Variants in SCFD2 observed in about 807,000 individuals in gnomAD.
The protein encoded by SCFD2 is sec1 family domain containing 2.
In SCFD2, 54 loss-of-function variants were observed where a neutral mutation model predicts 58.9. The ratio of observed to expected loss-of-function variants is 0.92; its 90% confidence interval spans 0.74 to 1.15. SCFD2 has a LOEUF of 1.15. Among genes scored for constraint, SCFD2 ranks in the 50% most tolerant of loss-of-function variants. The probability of loss-of-function intolerance (pLI) is 0.00; values close to 1 mark genes in which losing one functional copy is unlikely to be tolerated. For missense variants in SCFD2, 805 were observed against 836.6 expected (o/e 0.96, Z 0.47); for synonymous variants, 321 against 335.9 (o/e 0.96, Z 0.49).
chr4:53,298,564 A>C (rs575715948), intron 3 of SCFD2, among the ~76,000 whole-genome samples: 1 of 152,342 alleles, frequency 6.6e-6, no homozygotes, highest in South Asian at 2.1e-4. Flanking sequence ...CTGCAGACTT[A>C]CATGTCCCTG....
At chr4:53,061,177 G>T (rs1160321408) in intron 5 of SCFD2, among the ~76,000 whole-genome samples, 1 of 151,994 alleles carries the variant, frequency 6.6e-6, no homozygotes, top group Non-Finnish European at 1.5e-5. Flanking sequence ...GGTCTTTCTT[G>T]AGTTCTGAAC....
intron 5 of SCFD2, among the ~76,000 whole-genome samples, chr4:53,071,108 C>T (rs1183644840): frequency 1.3e-5 from 2 of 151,886 alleles, no homozygotes; most frequent in African/African-American, 2.4e-5. Flanking sequence ...ATTGTTGGCT[C>T]GAATGTAGAT....
chr4:52,949,518 G>C (rs972054773), intron 5 of SCFD2: 2 of 152,136 alleles, frequency 1.3e-5, no homozygotes, highest in Non-Finnish European at 2.9e-5. Context: ...TTAACCAACA[G>C]GTGTTCTCTC....
At chr4:53,327,707 G>A (rs1229465426) in intron 2 of SCFD2, among the ~76,000 whole-genome samples, 1 of 152,182 alleles carries the variant, frequency 6.6e-6, no homozygotes. Context: ...TCTACTGAGG[G>A]ATAAGAGGGT....
At chr4:53,017,925 T>C (rs556481798) in intron 5 of SCFD2, among the ~76,000 whole-genome samples, 4 of 152,318 alleles carry the variant, frequency 2.6e-5, no homozygotes, top group Admixed American at 6.5e-5. Context: ...TGTAGGTCTA[T>C]ACAAATGGCT....
chr4:53,239,408 GGGA>G (rs1204163264), intron 4 of SCFD2, among the ~76,000 whole-genome samples: 7 of 138,740 alleles, frequency 5.0e-5, no homozygotes, highest in African/African-American at 1.9e-4. Flanking sequence ...GAGAGGGAGA[GGGA>G]GAGGGAGAGG....
At chr4:52,887,230 G>A (rs1193309067) in intron 7 of SCFD2, among the ~76,000 whole-genome samples, 2 of 152,184 alleles carry the variant, frequency 1.3e-5, no homozygotes, top group Admixed American at 6.5e-5. Flanking sequence ...GGTGCTTACA[G>A]TACAGTACCG....
chr4:52,874,113 C>T (rs1385218512), intron 8 of SCFD2, 52 bp from the exon 9 acceptor site: 2 of 1,173,310 alleles, frequency 1.7e-6, no homozygotes, highest in Non-Finnish European at 2.6e-6. Flanking sequence ...GGGCCAATCT[C>T]AGGGTATTGG....
At chr4:53,329,121 G>C (rs1457514244) in intron 2 of SCFD2, among the ~76,000 whole-genome samples, 3 of 152,238 alleles carry the variant, frequency 2.0e-5, no homozygotes, top group African/African-American at 7.2e-5. Flanking sequence ...CTGATTGCTA[G>C]CACAGCAGTC....
chr4:52,953,226 T>TA (rs558950615), intron 5 of SCFD2, among the ~76,000 whole-genome samples: 22 of 152,210 alleles, frequency 1.4e-4, no homozygotes, highest in Admixed American at 1.4e-3. Flanking sequence ...TGAAACACTC[T>TA]AAAAGCAGCC....
At chr4:53,066,924 A>C (rs1723678885) in intron 5 of SCFD2, among the ~76,000 whole-genome samples, 1 of 152,078 alleles carries the variant, frequency 6.6e-6, no homozygotes, top group South Asian at 2.1e-4. Flanking sequence ...TGCAGGCCTC[A>C]TGAGGAAAAG....
rs532579541 is a variant in SCFD2 at position 53,301,228 on chromosome 4, G to A, written c.1135+12408C>T. The stretch of plus-strand genomic sequence containing the variant: ...CAAGACTAATAAAGAAGAAAAGAGA[G>A]AAGAATCAAATAGATGCAATAAAAA... On this transcript the variant is annotated intron_variant, in intron 3 of 8. Transcript: ENST00000401642. Among the ~76,000 whole-genome samples, 42 of 151,192 alleles carry A rather than the reference G, an allele frequency of 2.8e-4. No homozygotes were observed. The East Asian group carries it at 3.3e-3, about 12-fold the overall frequency.
At chr4:53,046,947 C>T (rs1038134512) in intron 5 of SCFD2, among the ~76,000 whole-genome samples, 2 of 152,200 alleles carry the variant, frequency 1.3e-5, no homozygotes, top group African/African-American at 2.4e-5. Flanking sequence ...GCTGGGATTA[C>T]AGGAGGGAGC....
intron 4 of SCFD2, among the ~76,000 whole-genome samples, chr4:53,160,246 C>CAGAACT (rs1221999086): frequency 1.3e-5 from 2 of 152,298 alleles, no homozygotes; most frequent in African/African-American, 4.8e-5. Context: ...GTTCTGAGCA[C>CAGAACT]AGAACTGGTA....
chr4:52,925,937 A>G (rs1320231699), intron 5 of SCFD2, among the ~76,000 whole-genome samples: 1 of 152,012 alleles, frequency 6.6e-6, no homozygotes, highest in Admixed American at 6.6e-5. Flanking sequence ...CAGATCAACA[A>G]AATAGGGCTC....
chr4:53,230,675 GACGAGTTAATGGGTACAGC>G (rs1729408385), intron 4 of SCFD2, among the ~76,000 whole-genome samples: 1 of 151,704 alleles, frequency 6.6e-6, no homozygotes, highest in South Asian at 2.1e-4. Context: ...AATGCTAAAT[GACGAGTTAATGGGTACAGC>G]ACACTAACAT....
At chr4:53,230,098 C>A (rs527909483) in intron 4 of SCFD2, among the ~76,000 whole-genome samples, 1 of 152,068 alleles carries the variant, frequency 6.6e-6, no homozygotes, top group Non-Finnish European at 1.5e-5. Flanking sequence ...GTTAGAATGG[C>A]GATCATTAAA....
chr4:53,011,000 A>G (rs1359981655), intron 5 of SCFD2, among the ~76,000 whole-genome samples: 1 of 152,222 alleles, frequency 6.6e-6, no homozygotes, highest in East Asian at 1.9e-4. Flanking sequence ...ATTTGTTTCT[A>G]TAGCGTACCT....
At chr4:53,303,869 G>T (rs537706869) in intron 3 of SCFD2, among the ~76,000 whole-genome samples, 5 of 147,118 alleles carry the variant, frequency 3.4e-5, no homozygotes, top group Non-Finnish European at 5.9e-5. Context: ...ACCAAACACC[G>T]CATGTTCTCA....
Sources: allele counts gnomAD v4.1 joint callset (sites outside exome capture counted in the v4.1 genomes callset), GRCh38; gene constraint gnomAD v4.1.1; transcripts MANE v1.5; gene names NCBI Gene and HGNC (gene_info 2026-07-23, HGNC 2026-07-21).